The following NLRP2 variants were observed in gnomAD, a reference collection of about 807,000 sequenced individuals.
The protein encoded by NLRP2 is NLR family pyrin domain containing 2, also known as NACHT, LRR and PYD domains-containing protein 2.
NLRP2 carries 107 observed loss-of-function variants against 97.2 expected under a neutral mutation model. The observed-to-expected ratio is 1.10, with a 90% CI of 0.94 to 1.29. The LOEUF is 1.29. NLRP2 is among the 50% of genes most tolerant of loss of function. The pLI is 0.00. For missense variants in NLRP2, 1,495 were observed against 1,330.3 expected, an observed-to-expected ratio of 1.12 and a Z score of -1.93; for synonymous variants, 663 against 551.5, an observed-to-expected ratio of 1.20 and a Z score of -2.83.
rs1568462945 is a variant in NLRP2, at chr19:54,970,122, C to T, written c.107C>T (p.Ala36Val). The change falls in exon 2 of 13, where the codon GCA becomes GTA. Residue 36 changes from alanine (A) to valine (V), a missense_variant. Coordinates refer to ENST00000448584, the MANE Select transcript of NLRP2 (RefSeq NM_017852.5). Reference sequence around the variant, plus strand: ...TATCTGATCACGACCTTCTCCCTGGCACACGAGCTCCAGAAGATCCCCCAC... The same window carrying T: ...TATCTGATCACGACCTTCTCCCTGGTACACGAGCTCCAGAAGATCCCCCAC... ...FKYLITTFSLAHELQKIPHKE... is the reference protein window; with the variant it reads ...FKYLITTFSLVHELQKIPHKE... 6.2e-7 allele frequency: 1 copy of T among 1,614,118 alleles called. No individual in the cohort carries two copies. The highest frequency in any genetic ancestry group is 1.1e-5 in the South Asian group (1 of 91,086).
At chr19:54,995,932 C>T (rs2072784587) in intron 11 of NLRP2, among the ~76,000 whole-genome samples, 1 of 149,640 alleles carries the variant, frequency 6.7e-6, no homozygotes, top group Non-Finnish European at 1.5e-5. Flanking sequence ...CCCAGTTACT[C>T]AGGAGGCTGA....
rs1654493 is a variant in NLRP2 at position 54,987,302 on chromosome 19, G to A, written c.2366+987G>A. ...ACATTTTTCAAGCAAGAACCCTTCAGGAACATCAAGTTGCCCCTTTTCTGT... is the reference window on the plus strand; with the variant it reads ...ACATTTTTCAAGCAAGAACCCTTCAAGAACATCAAGTTGCCCCTTTTCTGT... On this transcript the variant is annotated intron_variant, in intron 8 of 12. Transcript: ENST00000448584. Among the ~76,000 whole-genome samples, 670 of 152,268 alleles carry A rather than the reference G, an allele frequency of 4.4e-3. 3 individuals carry two copies. The highest frequency in any genetic ancestry group is 0.015 in the African/African-American group (641 of 41,552).
intron 2 of NLRP2, among the ~76,000 whole-genome samples, chr19:54,972,620 G>A (rs1466028714): frequency 1.3e-5 from 2 of 151,212 alleles, no homozygotes; most frequent in African/African-American, 4.9e-5. Flanking sequence ...GCTCATTCTT[G>A]TATATATATA....
intron 11 of NLRP2, among the ~76,000 whole-genome samples, chr19:54,994,831 A>C (rs1319949457): frequency 1.3e-5 from 2 of 149,686 alleles, no homozygotes; most frequent in Admixed American, 6.6e-5. Context: ...TTCATCTCAA[A>C]CTCCTGACCT....
intron 10 of NLRP2, chr19:54,991,220 A>G (rs1293538594): frequency 5.9e-6 from 1 of 168,162 alleles, no homozygotes; most frequent in African/African-American, 2.4e-5. Context: ...ATTGGAAGCT[A>G]CATGCTCAAT....
Position 54,983,358 on chromosome 19 carries a change from G to A in NLRP2, c.1660G>A (p.Gly554Ser). Residue 554 changes from glycine to serine, a missense_variant, in exon 6 of 13, where the codon GGC (glycine) becomes AGC (serine). Coordinates refer to ENST00000448584, the MANE Select transcript of NLRP2 (RefSeq NM_017852.5). ...RLRNPDLIQA[G>S]YYSFGLANEK... ...CAGGAACCCCGACCTGATCCAAGCA[G>A]GCTACTACTCCTTTGGCCTCGCTAA... is the stretch of plus-strand genomic sequence containing the variant. 6.2e-7 allele frequency: 1 copy of A among 1,614,220 alleles called. No individual in the cohort carries two copies. The highest frequency in any genetic ancestry group is 8.5e-7 in the Non-Finnish European group (1 of 1,180,050).
In NLRP2 at chr19:54,973,827, T is replaced by C. The variant is rs1450474010; in HGVS notation, c.281-673T>C. 6.5e-6 allele frequency: 4 copies of C among 614,026 alleles called. No individual in the cohort carries two copies. In the African/African-American group the frequency reaches 7.4e-5, roughly 11 times the overall value. The allele number at this position is 614,026 out of a possible 1,614,324, so 38.0% of individuals were successfully genotyped here. On this transcript the variant is annotated intron_variant, in intron 2 of 12. Transcript: ENST00000448584. The stretch of plus-strand genomic sequence containing the variant: ...AGCGCTCACACAGACATGGTGAATG[T>C]TCCTGAAACCCGCCGGACTTTCTGT...
In NLRP2 at chr19:54,982,916, G is replaced by A. The variant is rs142180857; in HGVS notation, c.1218G>A (p.Thr406=). 669 of 1,613,098 alleles carry A rather than the reference G, an allele frequency of 4.1e-4. 3 individuals are homozygous for A. The highest frequency in any genetic ancestry group is 2.6e-3 in the East Asian group (117 of 44,868). The change falls in exon 6 of 13, where the codon ACG becomes ACA. Residue 406 remains threonine (T), a synonymous_variant. Coordinates refer to ENST00000448584, the MANE Select transcript of NLRP2 (RefSeq NM_017852.5). ...SAPAVCWIVC[T]TLKLQMEKGE... is the part of the protein sequence containing the mutation. Reference sequence around the variant, plus strand: ...CCGCGGTGTGCTGGATCGTGTGCACGACTCTGAAGCTGCAGATGGAGAAGG... The same window carrying A: ...CCGCGGTGTGCTGGATCGTGTGCACAACTCTGAAGCTGCAGATGGAGAAGG...
chr19:54,992,634 A>G lies in NLRP2; in HGVS notation c.2709-1635A>G, dbSNP rs904343016. On this transcript the variant is annotated intron_variant, in intron 10 of 12. Transcript: ENST00000448584. ...GGCTGGAATGCAGTGGCTCCATCTCAGCTCACTGCAACCTCCACCTCCTGA... is the reference window on the plus strand; with the variant it reads ...GGCTGGAATGCAGTGGCTCCATCTCGGCTCACTGCAACCTCCACCTCCTGA... Among the ~76,000 whole-genome samples, 37 of 134,202 alleles carry G rather than the reference A, an allele frequency of 2.8e-4. 1 individual carries two copies. The highest frequency in any genetic ancestry group is 1.1e-3 in the African/African-American group (37 of 34,888). The allele number at this position is 134,202 out of a possible 152,430, so 88.0% of individuals were successfully genotyped here. A position where few individuals can be genotyped will look rare whatever the true frequency, so the allele number is the denominator to read the frequency against.
chr19:54,984,974 C>G, intron 6 of NLRP2, 73 bp from the exon 7 acceptor site: 2 of 1,456,780 alleles, frequency 1.4e-6, no homozygotes, highest in Non-Finnish European at 1.9e-6. Flanking sequence ...GGGGTATATG[C>G]CCAGAGAAAC....
chr19:54,986,660 G>C (rs913383364), intron 8 of NLRP2, among the ~76,000 whole-genome samples: 3 of 150,760 alleles, frequency 2.0e-5, no homozygotes, highest in African/African-American at 7.3e-5. Flanking sequence ...AAGTAATTCT[G>C]CTGCCTCAGC....
intron 2 of NLRP2, chr19:54,973,849 C>G: frequency 3.2e-6 from 2 of 632,354 alleles, no homozygotes; most frequent in Non-Finnish European, 6.1e-6. Flanking sequence ...GCCGGACTTT[C>G]TGTAAGAAGT....
At chr19:54,965,424 C>T (rs1282359207), upstream of NLRP2, 3 of 99,710 alleles carry the variant, frequency 3.0e-5, 1 homozygote, top group African/African-American at 1.4e-4. Context: ...TTTATTTCTC[C>T]ATTCCACAGT....
intron 11 of NLRP2, among the ~76,000 whole-genome samples, chr19:54,995,381 G>A (rs1718850356): frequency 2.0e-5 from 3 of 151,332 alleles, no homozygotes; most frequent in Non-Finnish European, 4.4e-5. Flanking sequence ...TAGTATAGAC[G>A]GGGTTTCTCC....
At chr19:54,995,318 A>G (rs2072749863) in intron 11 of NLRP2, among the ~76,000 whole-genome samples, 1 of 148,380 alleles carries the variant, frequency 6.7e-6, no homozygotes, top group Admixed American at 6.8e-5. Flanking sequence ...AGCCTCCCAC[A>G]TAGCTGCAAA....
intron 6 of NLRP2, 36 bp downstream of exon 6, chr19:54,983,764 T>G: frequency 6.2e-7 from 1 of 1,602,118 alleles, no homozygotes; most frequent in South Asian, 1.1e-5. Context: ...CGTTCCATCT[T>G]TAGCCTCATC....
At position 54,994,380 on chromosome 19, in the gene NLRP2, G is replaced by A. The variant is rs1345228894; in HGVS notation, c.2820G>A (p.Lys940=). Residue 940 remains lysine, a synonymous_variant, in exon 11 of 13, where the codon AAG becomes AAA. Transcript: ENST00000448584. ...LDLGLNHIGV[K]GMKFLCEALR... is the part of the protein sequence containing the mutation. ...TGGGGCTGAATCACATAGGAGTTAA[G>A]GGAATGAAGTTCCTGTGTGAGGCTT... is the stretch of plus-strand genomic sequence containing the variant. 1 of 1,613,944 alleles carries A rather than the reference G, an allele frequency of 6.2e-7. No individual in the cohort carries two copies. The highest frequency in any genetic ancestry group is 2.2e-5 in the East Asian group (1 of 44,870).
chr19:54,974,034 A>G lies in NLRP2; in HGVS notation c.281-466A>G, dbSNP rs113660646. On this transcript the variant is annotated intron_variant, in intron 2 of 12. Transcript: ENST00000448584. ...CTAAGGCTTGAGTGCCTTGAGCCCA[A>G]CTGCAGATCTAAGAATGCTGGCTAT... The G allele has an allele frequency of 6.0e-5, 76 of 1,259,832 alleles. No individual in the cohort carries two copies. The African/African-American group carries it at 9.1e-4, about 15-fold the overall frequency. The allele number at this position is 1,259,832 out of a possible 1,614,324, so 78.0% of individuals were successfully genotyped here.
chr19:54,980,973 C>G lies in NLRP2; in HGVS notation c.398-644C>G, dbSNP rs564790605. 1.0e-3 allele frequency among the ~76,000 whole-genome samples: 152 copies of G among 152,208 alleles called. 1 individual carries two copies. Among genetic ancestry groups the G allele is most frequent in the African/African-American group, 3.6e-3 (151 of 41,548 alleles). ...AAAAATACAAAAATTAGCCTAGACG[C>G]AGTGGCACATGCCTGTAATTCCAGT... On this transcript the variant is annotated intron_variant, in intron 4 of 12. Transcript: ENST00000448584.
Sources: gnomAD v4.1 joint callset for allele counts (sites outside exome capture counted in the v4.1 genomes callset) on GRCh38, gnomAD v4.1.1 for gene constraint, MANE v1.5 for transcripts, NCBI Gene and HGNC (gene_info 2026-07-23, HGNC 2026-07-21) for gene names.